The following FAAH2 variants were observed in gnomAD, a reference collection of about 807,000 sequenced individuals.
FAAH2 encodes fatty acid amide hydrolase 2.
In FAAH2, 60 loss-of-function variants were observed where a neutral mutation model predicts 36.9. That is an observed-to-expected ratio of 1.63 (90% CI 1.32 to 2.02). The LOEUF is 2.02. Among genes scored for constraint, FAAH2 ranks in the 30% most tolerant of loss-of-function variants. The pLI, the probability that FAAH2 is intolerant of heterozygous loss-of-function variation, is 0.00. For missense variants in FAAH2, 689 were observed against 397.5 expected, an observed-to-expected ratio of 1.73 and a Z score of -6.23; for synonymous variants, 214 against 143.8, an observed-to-expected ratio of 1.49 and a Z score of -3.49.
At chrX:57,400,385 C>T (rs909221701) in intron 7 of FAAH2, among the ~76,000 whole-genome samples, 1 of 112,199 alleles carries the variant, frequency 8.9e-6, no homozygotes. Flanking sequence ...TACAAGCTGG[C>T]CCCTCGGACC....
chrX:57,241,652 T>C, the FAAH2 span, among the ~76,000 whole-genome samples: 1 of 111,793 alleles, frequency 8.9e-6, no homozygotes, highest in Non-Finnish European at 1.9e-5. Context: ...ACTAAAGCAG[T>C]ATACACTGTA....
chrX:57,359,689 C>A (rs2054241964), intron 5 of FAAH2, among the ~76,000 whole-genome samples: 1 of 111,552 alleles, frequency 9.0e-6, no homozygotes, highest in East Asian at 2.8e-4. Context: ...CTTTAATCTC[C>A]ATACCAGAAT....
chrX:57,394,584 C>T (rs1602519504), intron 7 of FAAH2: 22 of 1,190,819 alleles, frequency 1.8e-5, no homozygotes, highest in Non-Finnish European at 2.5e-5. Context: ...GCACTCTCTA[C>T]AGTGCTCTGC....
chrX:57,298,959 T>C (rs965056609), intron 2 of FAAH2, among the ~76,000 whole-genome samples: 10 of 111,447 alleles, frequency 9.0e-5, no homozygotes, highest in Non-Finnish European at 1.9e-4. Context: ...GAGGCAATAA[T>C]TAATAGCCTA....
the FAAH2 span, among the ~76,000 whole-genome samples, chrX:57,186,091 T>C: frequency 9.0e-6 from 1 of 111,585 alleles, no homozygotes; most frequent in African/African-American, 3.3e-5. Flanking sequence ...TACTCAGTAA[T>C]GGGATTACTG....
At chrX:57,216,596 A>ACG in the FAAH2 span, among the ~76,000 whole-genome samples, 651 of 2,817 alleles carry the variant, frequency 0.23, 81 homozygotes, top group Non-Finnish European at 0.27. Flanking sequence ...ATGTATATAT[A>ACG]TGTATATATA....
At chrX:57,242,551 G>A in the FAAH2 span, among the ~76,000 whole-genome samples, 1 of 111,517 alleles carries the variant, frequency 9.0e-6, no homozygotes, top group Admixed American at 9.5e-5. Flanking sequence ...ATTTCCAACT[G>A]AGTTACCTGG....
rs746340916 is a variant in FAAH2 at position 57,331,736 on chromosome X, A to C, written c.551A>C (p.Glu184Ala). The C allele has an allele frequency of 6.5e-5, 79 of 1,209,570 alleles. No individual in the cohort carries two copies. The highest frequency in any genetic ancestry group is 8.2e-5 in the Non-Finnish European group (73 of 895,203). Residue 184 changes from glutamate (E) to alanine (A), a missense_variant, in exon 4 of 11, where the codon GAA becomes GCA. Transcript: ENST00000374900. ...TGTAGTGAGTTGTGTATGTGGTATG[A>C]ATCCAGTAACAAGATCTATGGCCGA... is the stretch of plus-strand genomic sequence containing the variant. ...TNCSELCMWY[E>A]SSNKIYGRSN...
chrX:57,419,715 G>T (rs1223072101), intron 7 of FAAH2, among the ~76,000 whole-genome samples: 55 of 111,737 alleles, frequency 4.9e-4, no homozygotes, highest in African/African-American at 1.4e-3. Flanking sequence ...AGAAGCTCTT[G>T]AGTTTAATTA....
At chrX:57,278,646 A>T in the FAAH2 span, among the ~76,000 whole-genome samples, 1 of 111,536 alleles carries the variant, frequency 9.0e-6, no homozygotes, top group Non-Finnish European at 1.9e-5. Context: ...AACAAAAAAA[A>T]ACCTATCATC....
intron 10 of FAAH2, among the ~76,000 whole-genome samples, chrX:57,473,230 T>C (rs766570225): frequency 8.1e-5 from 9 of 111,688 alleles, no homozygotes; most frequent in Non-Finnish European, 1.5e-4. Context: ...ATATTGTGTC[T>C]GTTTTTATAC....
intron 7 of FAAH2, among the ~76,000 whole-genome samples, chrX:57,429,967 T>G (rs899934139): frequency 2.7e-5 from 3 of 110,847 alleles, no homozygotes; most frequent in African/African-American, 9.8e-5. Flanking sequence ...CACTTATAAG[T>G]GAGAGCTAAA....
chrX:57,278,857 CTCA>C, the FAAH2 span, among the ~76,000 whole-genome samples: 1 of 112,223 alleles, frequency 8.9e-6, no homozygotes, highest in South Asian at 3.7e-4. Flanking sequence ...TGAAAAAATG[CTCA>C]TCATCACTGG....
At chrX:57,454,730 A>G (rs2056838871) in intron 10 of FAAH2, among the ~76,000 whole-genome samples, 1 of 111,832 alleles carries the variant, frequency 8.9e-6, no homozygotes, top group African/African-American at 3.2e-5. Context: ...AGCTTATACA[A>G]TCAACTCAGT....
chrX:57,203,703 G>T, the FAAH2 span, among the ~76,000 whole-genome samples: 1 of 111,948 alleles, frequency 8.9e-6, no homozygotes, highest in Non-Finnish European at 1.9e-5. Context: ...ATTTTAATGG[G>T]TTACTAGCTG....
chrX:57,381,952 G>A (rs192209730), intron 7 of FAAH2, among the ~76,000 whole-genome samples: 6 of 111,412 alleles, frequency 5.4e-5, no homozygotes, highest in African/African-American at 2.0e-4. Context: ...AAACGTAAAA[G>A]AACAGAAATT....
intron 8 of FAAH2, among the ~76,000 whole-genome samples, chrX:57,440,624 A>T (rs1366863374): frequency 9.0e-6 from 1 of 111,645 alleles, no homozygotes; most frequent in Non-Finnish European, 1.9e-5. Flanking sequence ...CCTAAAGAGA[A>T]CTTCCAACAC....
At chrX:57,335,835 T>C (rs958367479) in intron 4 of FAAH2, among the ~76,000 whole-genome samples, 21 of 111,966 alleles carry the variant, frequency 1.9e-4, no homozygotes, top group Non-Finnish European at 3.4e-4. Context: ...TTCTGCAGTG[T>C]ATTGTGTCTC....
chrX:57,474,337 G>A (rs1294098908), intron 10 of FAAH2, among the ~76,000 whole-genome samples: 1 of 110,818 alleles, frequency 9.0e-6, no homozygotes, highest in East Asian at 2.9e-4. Context: ...TTAGGTATTT[G>A]TCCAAATGCT....
Sources: gnomAD v4.1 joint callset for allele counts (sites outside exome capture counted in the v4.1 genomes callset) on GRCh38, gnomAD v4.1.1 for gene constraint, MANE v1.5 for transcripts, NCBI Gene and HGNC (gene_info 2026-07-23, HGNC 2026-07-21) for gene names.